Variants in GRM8 observed in about 807,000 individuals in gnomAD.
GRM8 encodes metabotropic glutamate receptor 8.
In GRM8, 47 loss-of-function variants were observed where a neutral mutation model predicts 87.2. That is an observed-to-expected ratio of 0.54 (90% confidence interval 0.43 to 0.69). The LOEUF (loss-of-function observed/expected upper bound fraction) is 0.69, where lower values mean the gene tolerates loss of function less well. Ranked by LOEUF, GRM8 falls within the 30% of genes least tolerant of loss-of-function variation. The pLI, the probability that GRM8 is intolerant of heterozygous loss-of-function variation, is 0.00. For synonymous variants in GRM8, 396 were observed against 404.5 expected, an observed-to-expected ratio of 0.98 and a Z score of 0.25; for missense variants, 1,019 against 1,139.2, an observed-to-expected ratio of 0.89 and a Z score of 1.52.
chr7:126,898,699 T>C (rs888732737), intron 6 of GRM8, among the ~76,000 whole-genome samples: 13 of 152,194 alleles, frequency 8.5e-5, no homozygotes, highest in Admixed American at 5.2e-4. Flanking sequence ...GAAATAAAAG[T>C]CTAGTCATAT....
chr7:126,881,081 C>T (rs1799978755), intron 6 of GRM8, among the ~76,000 whole-genome samples: 1 of 152,036 alleles, frequency 6.6e-6, no homozygotes, highest in African/African-American at 2.4e-5. Flanking sequence ...TGAAAATTAT[C>T]TTTGATATAT....
At chr7:126,887,895 G>A (rs1800652181) in intron 6 of GRM8, among the ~76,000 whole-genome samples, 2 of 152,010 alleles carry the variant, frequency 1.3e-5, no homozygotes, top group Non-Finnish European at 2.9e-5. Flanking sequence ...AAAGCTAACA[G>A]TTTCCTGGAC....
At position 126,670,310 on chromosome 7, in the gene GRM8, G is replaced by A. The variant is rs935557628; in HGVS notation, c.1358-60812C>T. Among the ~76,000 whole-genome samples, 8 of 152,184 alleles carry A rather than the reference G, an allele frequency of 5.3e-5. No homozygotes were observed. The South Asian group carries it at 1.2e-3, about 24-fold the overall frequency. ...AGAGGTAAAAAGGATTATTTGACAT[G>A]TTTAGGTATATGAGATTGCCAAAAT... On this transcript the variant is annotated intron_variant, in intron 7 of 10. Coordinates refer to ENST00000339582, the MANE Select transcript of GRM8 (RefSeq NM_000845.3).
intron 3 of GRM8, among the ~76,000 whole-genome samples, chr7:127,038,630 AAAGAG>A (rs145989417): frequency 3.5e-3 from 526 of 152,340 alleles, no homozygotes; most frequent in Middle Eastern, 0.01. Context: ...CAGTTAAAAG[AAAGAG>A]AAAATAAAAA....
At chr7:126,982,983 C>A (rs1426737220) in intron 3 of GRM8, among the ~76,000 whole-genome samples, 1 of 152,142 alleles carries the variant, frequency 6.6e-6, no homozygotes. Context: ...TCCCTGCATA[C>A]CCTTCCTTAC....
intron 7 of GRM8, among the ~76,000 whole-genome samples, chr7:126,719,271 C>T (rs1365524623): frequency 1.3e-5 from 2 of 152,120 alleles, no homozygotes; most frequent in East Asian, 1.9e-4. Flanking sequence ...ATGCATTAAT[C>T]GTTTTAACTT....
At chr7:126,470,322 C>A (rs13228967) in intron 9 of GRM8, among the ~76,000 whole-genome samples, 1 of 145,474 alleles carries the variant, frequency 6.9e-6, no homozygotes, top group African/African-American at 2.5e-5. Context: ...GTATATCTCC[C>A]AATGCTATCC....
intron 9 of GRM8, among the ~76,000 whole-genome samples, chr7:126,519,176 T>A (rs138724777): frequency 2.6e-5 from 4 of 152,178 alleles, no homozygotes; most frequent in Non-Finnish European, 5.9e-5. Context: ...GATCTCTTCC[T>A]GAGGAATCGC....
chr7:126,471,042 G>T (rs1276606796), intron 9 of GRM8, among the ~76,000 whole-genome samples: 1 of 152,084 alleles, frequency 6.6e-6, no homozygotes, highest in Non-Finnish European at 1.5e-5. Context: ...GGGGTTGTTT[G>T]TTTTTTCTTG....
chr7:127,197,469 A>T (rs1795346880), intron 2 of GRM8, among the ~76,000 whole-genome samples: 1 of 152,174 alleles, frequency 6.6e-6, no homozygotes, highest in African/African-American at 2.4e-5. Context: ...CCAAAGAAAC[A>T]ATACTTTTTT....
intron 3 of GRM8, among the ~76,000 whole-genome samples, chr7:126,949,310 T>C (rs1010218369): frequency 3.3e-5 from 5 of 152,120 alleles, no homozygotes; most frequent in Admixed American, 6.6e-5. Flanking sequence ...AGACAAAACA[T>C]TACATTTAAA....
intron 7 of GRM8, among the ~76,000 whole-genome samples, chr7:126,636,744 C>T (rs1250531562): frequency 1.3e-5 from 2 of 151,722 alleles, no homozygotes; most frequent in African/African-American, 4.8e-5. Flanking sequence ...TGTTCTTATA[C>T]CCTAACTAAA....
chr7:126,744,613 C>G (rs1367976858), intron 7 of GRM8, among the ~76,000 whole-genome samples: 1 of 151,920 alleles, frequency 6.6e-6, no homozygotes, highest in Non-Finnish European at 1.5e-5. Flanking sequence ...ACAACATAGA[C>G]CAATGAATTT....
rs182124369 is a variant in GRM8, at chr7:127,081,252, C to T, written c.727+25244G>A. Reference sequence around the variant, plus strand: ...CCATGTATCCTGTGCCCCAGTCACACTGAACAGCTTGCCATTGCAAACACA... The same window carrying T: ...CCATGTATCCTGTGCCCCAGTCACATTGAACAGCTTGCCATTGCAAACACA... On this transcript the variant is annotated intron_variant, in intron 3 of 10. Coordinates refer to ENST00000339582, the MANE Select transcript of GRM8 (RefSeq NM_000845.3). Among the ~76,000 whole-genome samples, 6 of 152,312 alleles carry T rather than the reference C, an allele frequency of 3.9e-5. No individual in the cohort carries two copies. In the East Asian group the frequency reaches 1.2e-3, roughly 29 times the overall value.
At chr7:126,785,691 C>T (rs10954138) in intron 6 of GRM8, among the ~76,000 whole-genome samples, 47,158 of 151,690 alleles carry the variant, frequency 0.31, 7,832 homozygotes, top group Middle Eastern at 0.43. Flanking sequence ...ATCACTGGAG[C>T]TCTACCTGTC....
intron 2 of GRM8, among the ~76,000 whole-genome samples, chr7:127,125,829 G>A (rs180803787): frequency 2.7e-3 from 392 of 142,780 alleles, no homozygotes; most frequent in African/African-American, 9.4e-3. Context: ...AGCAAAAGAC[G>A]GTTTTCAAAA....
chr7:126,927,955 G>A (rs1350251924), intron 3 of GRM8, among the ~76,000 whole-genome samples: 1 of 152,110 alleles, frequency 6.6e-6, no homozygotes, highest in Non-Finnish European at 1.5e-5. Context: ...TAGCAAAGAT[G>A]TGAAACCAAC....
chr7:126,728,281 C>A (rs141942098), intron 7 of GRM8, among the ~76,000 whole-genome samples: 158 of 152,302 alleles, frequency 1.0e-3, no homozygotes, highest in African/African-American at 3.6e-3. Flanking sequence ...CACAAAGCTC[C>A]TCCTGTCTGT....
intron 8 of GRM8, among the ~76,000 whole-genome samples, chr7:126,579,042 T>A (rs918856639): frequency 6.6e-6 from 1 of 152,128 alleles, no homozygotes; most frequent in Non-Finnish European, 1.5e-5. Flanking sequence ...AAAGTAGGTA[T>A]GAAATGGTAT....
Sources: gnomAD v4.1 joint callset for allele counts (sites outside exome capture counted in the v4.1 genomes callset) on GRCh38, gnomAD v4.1.1 for gene constraint, MANE v1.5 for transcripts, NCBI Gene and HGNC (gene_info 2026-07-23, HGNC 2026-07-21) for gene names.